Variants in NAV2 observed in about 807,000 individuals in gnomAD.
NAV2 encodes neuron navigator 2, also known as helicase, APC down-regulated 1.
In NAV2, 54 loss-of-function variants were observed where a neutral mutation model predicts 223.2. That is an observed-to-expected ratio of 0.24 (90% CI 0.19 to 0.30). The LOEUF (loss-of-function observed/expected upper bound fraction) is 0.30. NAV2 is among the 10% of genes least tolerant of loss of function. The pLI is 1.00. For missense variants in NAV2, 2,806 were observed against 3,147.5 expected, an observed-to-expected ratio of 0.89 and a Z score of 2.60; for synonymous variants, 1,279 against 1,239.3, an observed-to-expected ratio of 1.03 and a Z score of -0.67.
chr11:19,948,725 A>G lies in NAV2; in HGVS notation c.2290A>G (p.Thr764Ala). The change falls in exon 10 of 38, where the codon ACG (threonine) becomes GCG (alanine). Residue 764 changes from threonine to alanine, a missense_variant. Around this residue, in one of 4 missense-constraint regions of NAV2, gnomAD observed 1,167 missense variants for 1,180.5 expected, o/e 0.99. Transcript: ENST00000349880. ...AACCACGTTTGACACCAATGTCACC[A>G]CGGAGATGAGTGGCCGTAGCATACT... is the stretch of plus-strand genomic sequence containing the variant. Reference protein sequence around the residue: ...LETTFDTNVTTEMSGRSILSL... With the variant: ...LETTFDTNVTAEMSGRSILSL... The G allele has an allele frequency of 1.3e-6, 2 of 1,597,368 alleles. No homozygotes were observed. Among genetic ancestry groups the G allele is most frequent in the Non-Finnish European group, 1.7e-6 (2 of 1,167,766 alleles).
chr11:19,670,422 AG>A (rs1181436350), intron 1 of NAV2, among the ~76,000 whole-genome samples: 3 of 152,234 alleles, frequency 2.0e-5, no homozygotes, highest in African/African-American at 7.2e-5. Flanking sequence ...CAAACAGTAC[AG>A]GCTCAACAGA....
chr11:19,663,103 C>T (rs1294468269), intron 1 of NAV2, among the ~76,000 whole-genome samples: 1 of 152,188 alleles, frequency 6.6e-6, no homozygotes, highest in Non-Finnish European at 1.5e-5. Context: ...ACTCTGTTCT[C>T]ATCACATCTG....
At chr11:19,900,349 C>T (rs1660107711) in intron 6 of NAV2, among the ~76,000 whole-genome samples, 1 of 134,224 alleles carries the variant, frequency 7.5e-6, no homozygotes, top group South Asian at 2.4e-4. Flanking sequence ...GCCTTGCAAT[C>T]AAAGAGAATG....
chr11:19,346,996 C>G (rs1443632368), upstream of NAV2, among the ~76,000 whole-genome samples: 1 of 152,132 alleles, frequency 6.6e-6, no homozygotes, highest in Admixed American at 6.5e-5. Context: ...AGCTTAACTC[C>G]AGGTATAAGA....
chr11:19,541,859 C>A (rs895339536), intron 1 of NAV2, among the ~76,000 whole-genome samples: 2 of 152,164 alleles, frequency 1.3e-5, no homozygotes, highest in Non-Finnish European at 2.9e-5. Context: ...AGGAAGATGC[C>A]ATTTTTCAAT....
intron 20 of NAV2, among the ~76,000 whole-genome samples, chr11:20,065,025 T>C (rs1338079653): frequency 6.6e-6 from 1 of 152,166 alleles, no homozygotes; most frequent in Admixed American, 6.6e-5. Context: ...TAGGTTGCTT[T>C]TGCAGACTTA....
chr11:19,616,121 C>A (rs1344135788), intron 1 of NAV2, among the ~76,000 whole-genome samples: 1 of 150,612 alleles, frequency 6.6e-6, no homozygotes, highest in Non-Finnish European at 1.5e-5. Context: ...TTTTTTTTTT[C>A]TTTCCTTTTT....
At chr11:20,052,998 C>T (rs1024196339) in intron 17 of NAV2, among the ~76,000 whole-genome samples, 2 of 152,052 alleles carry the variant, frequency 1.3e-5, no homozygotes, top group African/African-American at 4.8e-5. Context: ...AGGTGGATCA[C>T]TTGAGGGCGG....
rs80313124 is a variant in NAV2, at chr11:19,610,326, A to G, written c.76-222158A>G. Among the ~76,000 whole-genome samples the G allele has an allele frequency of 3.6e-3, 543 of 151,876 alleles. 1 individual carries two copies. Among genetic ancestry groups the G allele is most frequent in the African/African-American group, 0.012 (509 of 41,140 alleles). ...ATAAGTTAACAAAAGATAATAACCTATATTTGGATGAGGAAGTCAGAATAA... is the reference window on the plus strand; with the variant it reads ...ATAAGTTAACAAAAGATAATAACCTGTATTTGGATGAGGAAGTCAGAATAA... On this transcript the variant is annotated intron_variant, in intron 1 of 37. Transcript: ENST00000360655.
chr11:19,801,065 C>G (rs4757847), intron 1 of NAV2, among the ~76,000 whole-genome samples: 1 of 151,988 alleles, frequency 6.6e-6, no homozygotes, highest in Non-Finnish European at 1.5e-5. Flanking sequence ...TTTTAACCCC[C>G]GAAGTAACCT....
chr11:19,903,166 C>T (rs1043107161), intron 6 of NAV2, among the ~76,000 whole-genome samples: 5 of 152,200 alleles, frequency 3.3e-5, no homozygotes, highest in African/African-American at 1.2e-4. Flanking sequence ...GTGTAGCCCA[C>T]GTGCCAGGGA....
At chr11:20,015,926 C>A (rs1389367371) in intron 11 of NAV2, among the ~76,000 whole-genome samples, 2 of 152,192 alleles carry the variant, frequency 1.3e-5, no homozygotes. Context: ...GGTGTTCACT[C>A]CTCTAATGCC....
chr11:19,916,489 TA>T (rs2043817323), intron 6 of NAV2, among the ~76,000 whole-genome samples: 1 of 152,386 alleles, frequency 6.6e-6, no homozygotes, highest in South Asian at 2.1e-4. Flanking sequence ...CTTTTCAGTT[TA>T]AAGGATTTCC....
chr11:19,934,031 C>T lies in NAV2; in HGVS notation c.1787C>T (p.Ser596Leu). ...CGGAGCCGGAGTGGGAAGCTGAGCTCAGGACTCCCCCAGCAGAAGCCCCAG... is the reference window on the plus strand; with the variant it reads ...CGGAGCCGGAGTGGGAAGCTGAGCTTAGGACTCCCCCAGCAGAAGCCCCAG... ...GERSRSGKLS[S>L]GLPQQKPQLD... The change falls in exon 7 of 38, where the codon TCA (serine) becomes TTA (leucine). Residue 596 changes from serine to leucine, a missense_variant. Physicochemically the swap from Ser to Leu is moderately radical, Grantham distance 145. Transcript: ENST00000349880. 1 of 1,598,502 alleles carries T rather than the reference C, an allele frequency of 6.3e-7. No individual in the cohort carries two copies. Among genetic ancestry groups the T allele is most frequent in the Non-Finnish European group, 8.5e-7 (1 of 1,172,972 alleles).
At chr11:19,852,316 G>A (rs1229593233) in intron 3 of NAV2, among the ~76,000 whole-genome samples, 2 of 152,218 alleles carry the variant, frequency 1.3e-5, no homozygotes, top group African/African-American at 4.8e-5. Context: ...GTAAATGTGG[G>A]TTCCTTGGAT....
chr11:19,920,760 T>G (rs1351717558), intron 6 of NAV2, among the ~76,000 whole-genome samples: 2 of 152,212 alleles, frequency 1.3e-5, no homozygotes, highest in African/African-American at 4.8e-5. Flanking sequence ...GTTCGATGAT[T>G]GCATAATTCT....
chr11:20,045,358 G>T lies in NAV2; in HGVS notation c.3590G>T (p.Ser1197Ile). The T allele has an allele frequency of 6.2e-7, 1 of 1,614,158 alleles. No individual in the cohort carries two copies. Among genetic ancestry groups the T allele is most frequent in the African/African-American group, 1.3e-5 (1 of 75,044 alleles). The change falls in exon 14 of 38, where the codon AGT becomes ATT. Residue 1197 changes from serine (S) to isoleucine (I), a missense_variant. Around this residue, in one of 4 missense-constraint regions of NAV2, gnomAD observed 742 missense variants for 777.9 expected, o/e 0.95. Coordinates refer to ENST00000349880, the MANE Select transcript of NAV2 (RefSeq NM_145117.5). ...CAGTACCGGAGTTTGCCGAGGCCCAGTAAGTCCAACAGCCGGAACGGGGCT... is the reference window on the plus strand; with the variant it reads ...CAGTACCGGAGTTTGCCGAGGCCCATTAAGTCCAACAGCCGGAACGGGGCT... ...NLQYRSLPRPSKSNSRNGAGN... is the reference protein window; with the variant it reads ...NLQYRSLPRPIKSNSRNGAGN...
chr11:19,614,470 G>A (rs1382099407), intron 1 of NAV2, among the ~76,000 whole-genome samples: 11 of 150,740 alleles, frequency 7.3e-5, no homozygotes, highest in Admixed American at 7.2e-4. Context: ...AAATTGAGCA[G>A]AAGTACAGAG....
chr11:19,813,821 G>A lies in NAV2; in HGVS notation c.268-18663G>A, dbSNP rs73435629. 6.1e-3 allele frequency among the ~76,000 whole-genome samples: 924 copies of A among 152,268 alleles called. 6 individuals carry two copies. The highest frequency in any genetic ancestry group is 0.021 in the African/African-American group (882 of 41,538). ...ATCAACTTATGGGTTCCCGCTCGGG[G>A]TCAAAGTCGGGATTCCTGTGACCAT... is the stretch of plus-strand genomic sequence containing the variant. On this transcript the variant is annotated intron_variant, in intron 1 of 37. Transcript: ENST00000349880.
Sources: allele counts gnomAD v4.1 joint callset (sites outside exome capture counted in the v4.1 genomes callset), GRCh38; gene constraint gnomAD v4.1.1; regional missense constraint gnomAD v4.1.1; transcripts MANE v1.5; gene names NCBI Gene and HGNC (gene_info 2026-07-23, HGNC 2026-07-21).